The following NELL1 variants were observed in gnomAD, a reference collection of about 807,000 sequenced individuals.
NELL1 encodes the protein neural EGFL like 1, also known as protein kinase C-binding protein NELL1.
Under a neutral mutation model 107.4 loss-of-function variants are expected in NELL1, and 76 were observed. The observed-to-expected ratio is 0.71, with a 90% CI of 0.59 to 0.86. The LOEUF (loss-of-function observed/expected upper bound fraction) is 0.86. Among genes scored for constraint, NELL1 ranks in the 40% least tolerant of loss-of-function variants. The pLI is 0.00. For missense variants in NELL1, 1,024 were observed against 1,005.5 expected (o/e 1.02, Z -0.25); for synonymous variants, 353 against 341.2 (o/e 1.03, Z -0.38).
chr11:21,486,702 T>G (rs1310765234), intron 15 of NELL1, among the ~76,000 whole-genome samples: 1 of 152,040 alleles, frequency 6.6e-6, no homozygotes, highest in Non-Finnish European at 1.5e-5. Flanking sequence ...CACAAGAGAA[T>G]TCTGAAAAAT....
chr11:21,560,098 T>C, intron 16 of NELL1, 91 bp from the exon 17 acceptor site: 1 of 1,192,718 alleles, frequency 8.4e-7, no homozygotes, highest in Non-Finnish European at 1.3e-6. Context: ...AAATGGTCGA[T>C]GATGTTAGTT....
In NELL1 at chr11:21,528,510, C is replaced by CA. The variant is rs1564942688; in HGVS notation, c.1646-5863dup. On this transcript the variant is annotated intron_variant, in intron 15 of 19. Transcript: ENST00000357134. ...GCCATGTGATCTCTTTGCACATACC[C>CA]ACCCCCCCCCCCTTTTTTTTTTTCC... 9.4e-5 allele frequency among the ~76,000 whole-genome samples: 2 copies of CA among 21,196 alleles called. 1 individual carries two copies. The highest frequency in any genetic ancestry group is 3.1e-4 in the Non-Finnish European group (2 of 6,504). The allele number at this position is 21,196 out of a possible 152,430, so 13.9% of individuals were successfully genotyped here.
chr11:21,186,155 G>A (rs930305418), intron 13 of NELL1, among the ~76,000 whole-genome samples: 5 of 151,806 alleles, frequency 3.3e-5, no homozygotes, highest in Admixed American at 6.6e-5. Context: ...TCACATGATG[G>A]CTGATCTTAG....
At chr11:21,348,753 G>A (rs1214757753) in intron 14 of NELL1, among the ~76,000 whole-genome samples, 1 of 152,090 alleles carries the variant, frequency 6.6e-6, no homozygotes, top group East Asian at 1.9e-4. Flanking sequence ...AATCCCCATA[G>A]GACTACTAAG....
chr11:20,735,560 T>C (rs11025733), intron 2 of NELL1, among the ~76,000 whole-genome samples: 18,201 of 152,042 alleles, frequency 0.12, 1,183 homozygotes, highest in Non-Finnish European at 0.15. Context: ...CCTCCTACAA[T>C]ATGTGGGGAT....
intron 15 of NELL1, among the ~76,000 whole-genome samples, chr11:21,453,159 A>G (rs1181410584): frequency 1.3e-5 from 2 of 151,268 alleles, no homozygotes; most frequent in African/African-American, 2.4e-5. Context: ...CTTCCATATT[A>G]TTGCTCATTT....
intron 14 of NELL1, among the ~76,000 whole-genome samples, chr11:21,296,432 A>C (rs1849378991): frequency 1.3e-5 from 2 of 152,054 alleles, no homozygotes; most frequent in South Asian, 4.1e-4. Flanking sequence ...ATATGTATAT[A>C]TATATATCTC....
At chr11:20,742,696 A>G (rs1415045128) in intron 2 of NELL1, among the ~76,000 whole-genome samples, 2 of 152,122 alleles carry the variant, frequency 1.3e-5, no homozygotes, top group Non-Finnish European at 2.9e-5. Flanking sequence ...CAAGAACAGC[A>G]TGGGAAAGAC....
intron 12 of NELL1, among the ~76,000 whole-genome samples, chr11:21,108,802 C>A (rs1467254449): frequency 6.6e-6 from 1 of 152,102 alleles, no homozygotes; most frequent in Non-Finnish European, 1.5e-5. Flanking sequence ...AGCAGTGATG[C>A]ACGGAGCAGA....
At chr11:21,232,788 G>C (rs927016358) in intron 14 of NELL1, among the ~76,000 whole-genome samples, 1 of 152,022 alleles carries the variant, frequency 6.6e-6, no homozygotes, top group African/African-American at 2.4e-5. Flanking sequence ...GAGAAGCTGG[G>C]GTTGCAGATG....
At chr11:21,404,859 C>T (rs1852196837) in intron 15 of NELL1, among the ~76,000 whole-genome samples, 2 of 151,992 alleles carry the variant, frequency 1.3e-5, no homozygotes, top group Non-Finnish European at 2.9e-5. Context: ...CCTCAGTGGT[C>T]CCAAGGGGAT....
At chr11:20,829,874 C>T (rs1020513403) in intron 3 of NELL1, among the ~76,000 whole-genome samples, 7 of 151,866 alleles carry the variant, frequency 4.6e-5, no homozygotes, top group African/African-American at 1.7e-4. Flanking sequence ...ATTGATATAT[C>T]TTATTACTGA....
chr11:21,048,868 G>T (rs1224774231), intron 12 of NELL1, among the ~76,000 whole-genome samples: 1 of 152,116 alleles, frequency 6.6e-6, no homozygotes, highest in Admixed American at 6.6e-5. Context: ...GCAAGACAGA[G>T]CTCAGTGCTG....
intron 3 of NELL1, among the ~76,000 whole-genome samples, chr11:20,807,493 A>T (rs1166983796): frequency 6.6e-6 from 1 of 152,218 alleles, no homozygotes. Flanking sequence ...GTTGAGTCAG[A>T]ATGAAGCCAG....
chr11:21,295,320 C>T (rs932911767), intron 14 of NELL1, among the ~76,000 whole-genome samples: 6 of 151,746 alleles, frequency 4.0e-5, no homozygotes, highest in East Asian at 1.9e-4. Flanking sequence ...TATTTGTGAA[C>T]GAAAAAGGAA....
chr11:21,469,721 C>T (rs919335531), intron 15 of NELL1, among the ~76,000 whole-genome samples: 2 of 151,956 alleles, frequency 1.3e-5, no homozygotes, highest in African/African-American at 4.8e-5. Flanking sequence ...AAGGTATAGG[C>T]AAATGCAACA....
intron 3 of NELL1, among the ~76,000 whole-genome samples, chr11:20,809,123 T>C (rs1857446769): frequency 6.6e-6 from 1 of 152,088 alleles, no homozygotes; most frequent in Non-Finnish European, 1.5e-5. Context: ...GAAGGGCACT[T>C]GGAGATTTTT....
At chr11:21,415,585 T>C (rs1852498346) in intron 15 of NELL1, among the ~76,000 whole-genome samples, 1 of 152,060 alleles carries the variant, frequency 6.6e-6, no homozygotes, top group African/African-American at 2.4e-5. Flanking sequence ...TTCCCCCCTA[T>C]TTTTTCTATT....
Position 20,786,868 on chromosome 11 carries a change from C to T in NELL1, c.335+3038C>T, listed in dbSNP as rs545304461. On this transcript the variant is annotated intron_variant, in intron 3 of 19. Transcript: ENST00000357134. Reference sequence around the variant, plus strand: ...CTAAAAATACAAAAAATTAGCCGGGCATGGTGGCGGGCGCCTGTAGTCCCA... The same window carrying T: ...CTAAAAATACAAAAAATTAGCCGGGTATGGTGGCGGGCGCCTGTAGTCCCA... 1.8e-3 allele frequency among the ~76,000 whole-genome samples: 267 copies of T among 151,490 alleles called. 2 individuals carry two copies. Among genetic ancestry groups the T allele is most frequent in the East Asian group, 0.016 (84 of 5,116 alleles).
Sources: allele counts gnomAD v4.1 joint callset (sites outside exome capture counted in the v4.1 genomes callset), GRCh38; gene constraint gnomAD v4.1.1; transcripts MANE v1.5; gene names NCBI Gene and HGNC (gene_info 2026-07-23, HGNC 2026-07-21).